DEFB121: variants seen among roughly 807,000 people sequenced by gnomAD.
DEFB121 encodes the protein defensin beta 121.
A neutral mutation model predicts 2.5 loss-of-function variants in DEFB121; 5 were observed. The observed-to-expected ratio is 1.96, with a 90% confidence interval of 1.03 to 4.13. The LOEUF (loss-of-function observed/expected upper bound fraction) is 4.13. DEFB121 is among the 30% of genes most tolerant of loss of function. The probability of loss-of-function intolerance (pLI) is 0.00; values close to 1 mark genes in which losing one functional copy is unlikely to be tolerated. For synonymous variants in DEFB121, 39 were observed against 32.6 expected, an observed-to-expected ratio of 1.20 and a Z score of -0.67; for missense variants, 87 against 85.0, an observed-to-expected ratio of 1.02 and a Z score of -0.09.
intron 1 of DEFB121, among the ~76,000 whole-genome samples, chr20:31,411,267 G>C (rs1808533990): frequency 6.6e-6 from 1 of 152,182 alleles, no homozygotes; most frequent in African/African-American, 2.4e-5. Context: ...ACCATTCTTA[G>C]ATTCTGCTTA....
chr20:31,408,686 T>C (rs1256468670), upstream of DEFB121, among the ~76,000 whole-genome samples: 1 of 152,218 alleles, frequency 6.6e-6, no homozygotes, highest in Admixed American at 6.5e-5. Flanking sequence ...TTAAATTTTG[T>C]ATAATTTTCA....
At chr20:31,416,359 C>G (rs1269477281), upstream of DEFB121, among the ~76,000 whole-genome samples, 1 of 152,188 alleles carries the variant, frequency 6.6e-6, no homozygotes, top group East Asian at 1.9e-4. Flanking sequence ...CGGCGCCTGG[C>G]CTTCTTCGCA....
chr20:31,410,151 C>G (rs191868035), upstream of DEFB121, among the ~76,000 whole-genome samples: 1 of 152,108 alleles, frequency 6.6e-6, no homozygotes, highest in Non-Finnish European at 1.5e-5. Context: ...TAATGTGGTA[C>G]ACATATACCA....
At chr20:31,412,655 C>T (rs1346553245) in exon 1 of DEFB121, 3 of 1,290,800 alleles carry the variant, frequency 2.3e-6, no homozygotes, top group Admixed American at 2.3e-5. Flanking sequence ...TGGCTATTGA[C>T]CTCTTTCCTC....
At chr20:31,413,398 A>C (rs1568740898), upstream of DEFB121, among the ~76,000 whole-genome samples, 1 of 152,234 alleles carries the variant, frequency 6.6e-6, no homozygotes. Flanking sequence ...AGCAGTAAGG[A>C]TACTGTCCTC....
At chr20:31,412,707 C>T in exon 1 of DEFB121, 2 of 1,282,298 alleles carry the variant, frequency 1.6e-6, no homozygotes, top group South Asian at 2.5e-5. Flanking sequence ...ACAGTCAACG[C>T]TCAATACAAG....
Position 31,406,195 on chromosome 20 carries a change from G to A in DEFB121, c.-43C>T, listed in dbSNP as rs149044865. 6.4e-5 allele frequency: 104 copies of A among 1,612,714 alleles called. No homozygotes were observed. The African/African-American group carries it at 1.3e-3, about 19-fold the overall frequency. On this transcript the variant is annotated 5_prime_UTR_variant, in exon 1 of 2. Transcript: ENST00000376314. ...GGAGGGATAGGAGGCTTCTCAACTG[G>A]TAAAACAGACAGAGGACTCCATTCT...
At chr20:31,416,162 G>T (rs898648458), upstream of DEFB121, among the ~76,000 whole-genome samples, 2 of 152,154 alleles carry the variant, frequency 1.3e-5, no homozygotes, top group Non-Finnish European at 2.9e-5. Flanking sequence ...TGGGGTTCAA[G>T]CAATTCTCCT....
upstream of DEFB121, among the ~76,000 whole-genome samples, chr20:31,409,832 T>C (rs1464096851): frequency 6.6e-6 from 1 of 152,096 alleles, no homozygotes; most frequent in Non-Finnish European, 1.5e-5. Flanking sequence ...AAGAACATAC[T>C]GAACAAGCTT....
At chr20:31,410,875 G>C (rs1401911106), upstream of DEFB121, among the ~76,000 whole-genome samples, 1 of 149,114 alleles carries the variant, frequency 6.7e-6, no homozygotes, top group African/African-American at 2.5e-5. Context: ...ACTCATGGGA[G>C]CACCATCCTT....
chr20:31,414,743 G>A (rs1978756746), upstream of DEFB121, among the ~76,000 whole-genome samples: 2 of 152,156 alleles, frequency 1.3e-5, no homozygotes, highest in Non-Finnish European at 2.9e-5. Context: ...GAAAGTTTCT[G>A]TTAAGCAAGA....
In DEFB121 at chr20:31,404,897, G is replaced by C. The variant is rs1450737923; in HGVS notation, c.*16C>G. On this transcript the variant is annotated 3_prime_UTR_variant, in exon 2 of 2. Transcript: ENST00000376314. ...AGGATCCCATGATGTTGAGACTCAA[G>C]GTTGGAAGAGAGGTGTCAGACTGCA... 4 of 1,612,688 alleles carry C rather than the reference G, an allele frequency of 2.5e-6. No individual in the cohort carries two copies. The highest frequency in any genetic ancestry group is 3.4e-6 in the Non-Finnish European group (4 of 1,179,734).
chr20:31,416,012 G>A (rs375842634), upstream of DEFB121, among the ~76,000 whole-genome samples: 2 of 152,112 alleles, frequency 1.3e-5, no homozygotes, highest in African/African-American at 4.8e-5. Flanking sequence ...AGGGAACTGA[G>A]GGAGGTTGAA....
upstream of DEFB121, chr20:31,406,300 T>C (rs554485515): frequency 7.0e-7 from 1 of 1,425,168 alleles, no homozygotes; most frequent in South Asian, 1.6e-5. Flanking sequence ...AACAGTCATT[T>C]GAGATCAGAC....
At chr20:31,413,722 T>G (rs6059166), upstream of DEFB121, among the ~76,000 whole-genome samples, 613 of 152,232 alleles carry the variant, frequency 4.0e-3, 5 homozygotes, top group African/African-American at 0.014. Flanking sequence ...GACAGTGACA[T>G]GGCTCCATCC....
chr20:31,410,219 T>C (rs2122356849), upstream of DEFB121, among the ~76,000 whole-genome samples: 1 of 152,340 alleles, frequency 6.6e-6, no homozygotes, highest in South Asian at 2.1e-4. Flanking sequence ...GCAACATGGA[T>C]GCAGCTGGAG....
the DEFB121 span, among the ~76,000 whole-genome samples, chr20:31,418,297 A>G: frequency 6.7e-6 from 1 of 149,356 alleles, no homozygotes; most frequent in African/African-American, 2.4e-5. Context: ...AAAGGGAAAA[A>G]AGAAATTTAG....
chr20:31,415,820 A>C (rs1978791931), upstream of DEFB121, among the ~76,000 whole-genome samples: 1 of 152,236 alleles, frequency 6.6e-6, no homozygotes, highest in Admixed American at 6.5e-5. Flanking sequence ...GCAAGGGAGC[A>C]GTGTGAACTG....
upstream of DEFB121, among the ~76,000 whole-genome samples, chr20:31,417,490 G>C (rs902904558): frequency 1.3e-5 from 2 of 151,986 alleles, no homozygotes; most frequent in Non-Finnish European, 2.9e-5. Flanking sequence ...AATCAATCAA[G>C]GAGTCCAACA....
Sources: allele counts gnomAD v4.1 joint callset (sites outside exome capture counted in the v4.1 genomes callset), GRCh38; gene constraint gnomAD v4.1.1; transcripts MANE v1.5; gene names NCBI Gene and HGNC (gene_info 2026-07-23, HGNC 2026-07-21).